CENPP: variants seen among roughly 807,000 people sequenced by gnomAD.
The protein encoded by CENPP is centromere protein P.
A neutral mutation model predicts 35.6 loss-of-function variants in CENPP; 24 were observed. That is an observed-to-expected ratio of 0.67 (90% CI 0.49 to 0.95). The LOEUF (loss-of-function observed/expected upper bound fraction) is 0.95. CENPP is among the 40% of genes least tolerant of loss of function. CENPP has a pLI of 0.00. For synonymous variants in CENPP, 120 were observed against 125.5 expected, an observed-to-expected ratio of 0.96 and a Z score of 0.29; for missense variants, 332 against 345.3, an observed-to-expected ratio of 0.96 and a Z score of 0.31.
At chr9:92,348,535 G>A (rs1201740245) in intron 4 of CENPP, among the ~76,000 whole-genome samples, 3 of 151,966 alleles carry the variant, frequency 2.0e-5, no homozygotes, top group African/African-American at 7.2e-5. Flanking sequence ...TGGGACTACA[G>A]GTGTGTACCA....
intron 5 of CENPP, among the ~76,000 whole-genome samples, chr9:92,498,472 AGAC>A (rs1392561699): frequency 2.0e-5 from 3 of 152,062 alleles, no homozygotes; most frequent in African/African-American, 7.2e-5. Context: ...TATTAAAAAA[AGAC>A]AATCATAGAA....
At chr9:92,440,383 A>AATCAATC (rs2044226011) in intron 5 of CENPP, among the ~76,000 whole-genome samples, 1 of 151,772 alleles carries the variant, frequency 6.6e-6, no homozygotes, top group African/African-American at 2.4e-5. Flanking sequence ...ATAAATAAAT[A>AATCAATC]AATCACAAGA....
chr9:92,407,825 C>T (rs912660077), intron 5 of CENPP, among the ~76,000 whole-genome samples: 2 of 152,080 alleles, frequency 1.3e-5, no homozygotes, highest in African/African-American at 4.8e-5. Flanking sequence ...GTTACCCAGG[C>T]TGGTCTCGAA....
chr9:92,517,777 C>A, intron 5 of CENPP: 1 of 1,614,226 alleles, frequency 6.2e-7, no homozygotes, highest in Non-Finnish European at 8.5e-7. Context: ...TCACAAAGAA[C>A]TCTTCCATCT....
chr9:92,403,144 T>C, intron 5 of CENPP: 1 of 797,760 alleles, frequency 1.3e-6, no homozygotes, highest in Non-Finnish European at 2.0e-6. Context: ...TCCCTTCCCC[T>C]TACCTTATCA....
chr9:92,475,930 TAG>T (rs1377812749), intron 5 of CENPP, among the ~76,000 whole-genome samples: 1 of 152,228 alleles, frequency 6.6e-6, no homozygotes, highest in Non-Finnish European at 1.5e-5. Context: ...CTTCAGAGCA[TAG>T]ATTTATTGCC....
chr9:92,463,311 A>G (rs973451810), intron 5 of CENPP, among the ~76,000 whole-genome samples: 5 of 152,234 alleles, frequency 3.3e-5, no homozygotes, highest in African/African-American at 1.2e-4. Flanking sequence ...GGATTATGCC[A>G]TGCAGGCAGT....
chr9:92,373,391 G>C (rs1842053259), intron 4 of CENPP, among the ~76,000 whole-genome samples: 1 of 152,030 alleles, frequency 6.6e-6, no homozygotes, highest in Non-Finnish European at 1.5e-5. Context: ...ATTTCCTTCA[G>C]TGATTTCTTC....
chr9:92,564,781 A>C (rs1849926729), intron 5 of CENPP, among the ~76,000 whole-genome samples: 1 of 152,224 alleles, frequency 6.6e-6, no homozygotes, highest in Non-Finnish European at 1.5e-5. Context: ...AATTACAGGA[A>C]CCAAAATAAG....
intron 5 of CENPP, among the ~76,000 whole-genome samples, chr9:92,605,942 ATAAC>A: frequency 6.6e-6 from 1 of 152,346 alleles, no homozygotes; most frequent in Non-Finnish European, 1.5e-5. Flanking sequence ...TTACAATTCA[ATAAC>A]TAAAAGATAA....
At chr9:92,458,019 C>T (rs571120771) in intron 5 of CENPP, among the ~76,000 whole-genome samples, 2 of 152,110 alleles carry the variant, frequency 1.3e-5, no homozygotes, top group East Asian at 3.9e-4. Context: ...TTTCTGTGAC[C>T]AAAGGAGAAT....
chr9:92,339,198 G>C (rs1051500864), intron 3 of CENPP, among the ~76,000 whole-genome samples: 2 of 152,162 alleles, frequency 1.3e-5, no homozygotes, highest in Non-Finnish European at 2.9e-5. Flanking sequence ...TGAGTCCTAT[G>C]GACAAGCTGC....
chr9:92,576,770 G>C (rs1304913322), intron 5 of CENPP, among the ~76,000 whole-genome samples: 1 of 152,092 alleles, frequency 6.6e-6, no homozygotes, highest in African/African-American at 2.4e-5. Flanking sequence ...AAAGTGTACA[G>C]ATTATTACAG....
At chr9:92,540,925 G>T (rs1036736868) in intron 5 of CENPP, among the ~76,000 whole-genome samples, 5 of 151,590 alleles carry the variant, frequency 3.3e-5, no homozygotes, top group African/African-American at 1.2e-4. Flanking sequence ...ATATGAAGGA[G>T]AAAAGATTTA....
rs56132927 is a variant in CENPP, at chr9:92,352,505, G to A, written c.467+6718G>A. 4.8e-3 allele frequency among the ~76,000 whole-genome samples: 238 copies of A among 49,592 alleles called. 2 individuals carry two copies. The highest frequency in any genetic ancestry group is 8.7e-3 in the African/African-American group (48 of 5,502). 32.5% of individuals were successfully genotyped at this position (49,592 alleles called of 152,430 possible). On this transcript the variant is annotated intron_variant, in intron 4 of 7. Transcript: ENST00000375587. ...TGTGTGTGTGTGTGTGTGTGTGTGT[G>A]TATACATATATATATATATATATAT...
rs560697587 is a variant in CENPP at position 92,517,372 on chromosome 9, A to G, written c.565-93942A>G. The G allele has an allele frequency of 2.2e-3, 1,136 of 525,924 alleles. 3 individuals carry two copies. Among genetic ancestry groups the G allele is most frequent in the Non-Finnish European group, 3.3e-3 (964 of 295,898 alleles). 32.6% of individuals were successfully genotyped at this position (525,924 alleles called of 1,614,324 possible). A position where few individuals can be genotyped will look rare whatever the true frequency, so the allele number is the denominator to read the frequency against. ...CATATAGACCAAAGCAGAGCCCTTAATGCAATAAGAATTCAGGATCTGTTG... is the reference window on the plus strand; with the variant it reads ...CATATAGACCAAAGCAGAGCCCTTAGTGCAATAAGAATTCAGGATCTGTTG... On this transcript the variant is annotated intron_variant, in intron 5 of 7. Transcript: ENST00000375587.
intron 5 of CENPP, among the ~76,000 whole-genome samples, chr9:92,449,526 A>G (rs1229494492): frequency 6.6e-6 from 1 of 151,240 alleles, no homozygotes; most frequent in Non-Finnish European, 1.5e-5. Context: ...TGAGGATTAA[A>G]AGTAAGGCAT....
intron 5 of CENPP, among the ~76,000 whole-genome samples, chr9:92,439,348 G>T: frequency 6.6e-6 from 1 of 151,532 alleles, no homozygotes; most frequent in Middle Eastern, 3.2e-3. Flanking sequence ...AAATTTAATG[G>T]GCTTATTTTT....
intron 5 of CENPP, chr9:92,522,452 AT>A (rs1848132843): frequency 9.0e-7 from 1 of 1,107,042 alleles, no homozygotes; most frequent in African/African-American, 1.6e-5. Context: ...AATAACCTGG[AT>A]TTTTCTTTAG....
Sources: gnomAD v4.1 joint callset for allele counts (sites outside exome capture counted in the v4.1 genomes callset) on GRCh38, gnomAD v4.1.1 for gene constraint, MANE v1.5 for transcripts, NCBI Gene and HGNC (gene_info 2026-07-23, HGNC 2026-07-21) for gene names.